The following SPIDR variants were observed in gnomAD, a reference collection of about 807,000 sequenced individuals.
SPIDR encodes DNA repair-scaffolding protein.
Under a neutral mutation model 104.6 loss-of-function variants are expected in SPIDR, and 93 were observed. The observed-to-expected ratio is 0.89, with a 90% CI of 0.75 to 1.06. The LOEUF is 1.06. Ranked by LOEUF, SPIDR falls within the 50% of genes least tolerant of loss-of-function variation. The pLI is 0.00. For synonymous variants in SPIDR, 431 were observed against 416.9 expected (o/e 1.03, Z -0.41); for missense variants, 1,154 against 1,111.2 (o/e 1.04, Z -0.55).
chr8:47,564,657 G>A (rs1445659850), intron 8 of SPIDR, among the ~76,000 whole-genome samples: 1 of 150,052 alleles, frequency 6.7e-6, no homozygotes, highest in African/African-American at 2.4e-5. Context: ...TCCATTCTGG[G>A]CATCAGAGCA....
At chr8:47,500,923 T>C (rs1250627985) in intron 8 of SPIDR, among the ~76,000 whole-genome samples, 1 of 152,244 alleles carries the variant, frequency 6.6e-6, no homozygotes, top group Non-Finnish European at 1.5e-5. Flanking sequence ...TGCTTGTTTT[T>C]GTCAGGTTTG....
chr8:47,643,309 C>T (rs181123269), intron 10 of SPIDR, among the ~76,000 whole-genome samples: 43 of 152,112 alleles, frequency 2.8e-4, no homozygotes, highest in Admixed American at 2.6e-4. Flanking sequence ...GTAGTATTTG[C>T]CATACTTCTA....
chr8:47,462,986 A>T (rs909414800), intron 8 of SPIDR, among the ~76,000 whole-genome samples: 1 of 152,224 alleles, frequency 6.6e-6, no homozygotes, highest in Non-Finnish European at 1.5e-5. Flanking sequence ...CTACAAAAAC[A>T]GTGTGCAAGA....
At chr8:47,262,591 C>G (rs76853493) in intron 1 of SPIDR, among the ~76,000 whole-genome samples, 2,009 of 152,234 alleles carry the variant, frequency 0.013, 55 homozygotes, top group African/African-American at 0.045. Context: ...ACAACAGGGT[C>G]CTGGCTTTCC....
intron 8 of SPIDR, among the ~76,000 whole-genome samples, chr8:47,514,872 A>T (rs758309697): frequency 6.6e-6 from 1 of 152,204 alleles, no homozygotes; most frequent in East Asian, 1.9e-4. Context: ...GTAAAAGGCT[A>T]TGCTTTTCAA....
At chr8:47,542,193 G>A (rs1181451918) in intron 8 of SPIDR, among the ~76,000 whole-genome samples, 1 of 140,188 alleles carries the variant, frequency 7.1e-6, no homozygotes, top group East Asian at 2.1e-4. Context: ...TTTAATCTTT[G>A]TCTAACATCC....
chr8:47,362,629 C>T (rs1303256849), intron 5 of SPIDR, among the ~76,000 whole-genome samples: 4 of 152,146 alleles, frequency 2.6e-5, no homozygotes, highest in African/African-American at 4.8e-5. Flanking sequence ...AATGAACACT[C>T]ATATATGGTG....
intron 8 of SPIDR, among the ~76,000 whole-genome samples, chr8:47,594,196 C>A (rs1445048674): frequency 0.014 from 741 of 53,508 alleles, no homozygotes; most frequent in East Asian, 0.016. Context: ...CCAGTCTCTA[C>A]AAAAAAAAAA....
intron 5 of SPIDR, among the ~76,000 whole-genome samples, chr8:47,321,139 A>G (rs982805320): frequency 1.3e-5 from 2 of 152,208 alleles, no homozygotes; most frequent in African/African-American, 2.4e-5. Context: ...AATTAGGAAA[A>G]GAGGAAGTCA....
chr8:47,491,513 A>G (rs1313717498), intron 8 of SPIDR, among the ~76,000 whole-genome samples: 3 of 151,954 alleles, frequency 2.0e-5, no homozygotes, highest in Non-Finnish European at 4.4e-5. Context: ...CATGTTTTCT[A>G]TAAGTCTGAA....
chr8:47,570,966 C>CTG (rs2058448762), intron 8 of SPIDR, among the ~76,000 whole-genome samples: 5 of 150,926 alleles, frequency 3.3e-5, no homozygotes, highest in African/African-American at 1.2e-4. Context: ...TGGTGGGCGC[C>CTG]TGTAGTCCCA....
chr8:47,291,058 T>A lies in SPIDR; in HGVS notation c.282T>A (p.Ser94Arg). ...AAACCACCACATCTAAAAGCACCAG[T>A]GGGCTTACAGACATAACATGGAGCT... ...KQETTTSKST[S>R]GLTDITWSSS... The change falls in exon 4 of 20, where the codon AGT (serine) becomes AGA (arginine). Residue 94 changes from serine to arginine, a missense_variant. Coordinates refer to ENST00000297423, the MANE Select transcript of SPIDR (RefSeq NM_001080394.4). The A allele has an allele frequency of 1.9e-6, 3 of 1,612,070 alleles. No homozygotes were observed. The highest frequency in any genetic ancestry group is 2.5e-6 in the Non-Finnish European group (3 of 1,178,776).
chr8:47,589,181 C>T (rs1260564263), intron 8 of SPIDR, among the ~76,000 whole-genome samples: 1 of 151,912 alleles, frequency 6.6e-6, no homozygotes, highest in Non-Finnish European at 1.5e-5. Flanking sequence ...TAGAATTCTC[C>T]AGTGAAAGTA....
chr8:47,489,340 A>G (rs975758980), intron 8 of SPIDR, among the ~76,000 whole-genome samples: 4 of 152,228 alleles, frequency 2.6e-5, no homozygotes, highest in African/African-American at 7.2e-5. Flanking sequence ...CCACTGCTCA[A>G]TGAAATAAAA....
chr8:47,570,443 A>G (rs1384550150), intron 8 of SPIDR, among the ~76,000 whole-genome samples: 1 of 152,212 alleles, frequency 6.6e-6, no homozygotes, highest in Non-Finnish European at 1.5e-5. Flanking sequence ...TGTAAGAGCC[A>G]AAAGTATAAA....
chr8:47,552,473 T>C (rs1486139505), intron 8 of SPIDR, among the ~76,000 whole-genome samples: 1 of 152,226 alleles, frequency 6.6e-6, no homozygotes, highest in Non-Finnish European at 1.5e-5. Context: ...GGTGCATATA[T>C]ATTTAAGATA....
chr8:47,449,427 A>T (rs2071290145), intron 8 of SPIDR, among the ~76,000 whole-genome samples: 1 of 152,192 alleles, frequency 6.6e-6, no homozygotes, highest in Non-Finnish European at 1.5e-5. Flanking sequence ...CATGTGTGGT[A>T]ATTGGTAGAG....
intron 10 of SPIDR, among the ~76,000 whole-genome samples, chr8:47,618,128 G>A (rs191406587): frequency 5.9e-5 from 9 of 152,276 alleles, no homozygotes; most frequent in African/African-American, 2.2e-4. Context: ...ACGCTTTTGT[G>A]TACGTGGTTT....
At chr8:47,616,771 A>G (rs181129954) in intron 10 of SPIDR, among the ~76,000 whole-genome samples, 10 of 152,362 alleles carry the variant, frequency 6.6e-5, no homozygotes, top group African/African-American at 2.4e-4. Flanking sequence ...TACATCTTAC[A>G]TTATTATGAC....
Sources: allele counts gnomAD v4.1 joint callset (sites outside exome capture counted in the v4.1 genomes callset), GRCh38; gene constraint gnomAD v4.1.1; transcripts MANE v1.5; gene names NCBI Gene and HGNC (gene_info 2026-07-23, HGNC 2026-07-21).